Variants in ZFHX3 observed in about 807,000 individuals in gnomAD.
ZFHX3 encodes the protein zinc finger homeobox protein 3.
Under a neutral mutation model 279.1 loss-of-function variants are expected in ZFHX3, and 42 were observed. The observed-to-expected ratio is 0.15, with a 90% CI of 0.12 to 0.19. The LOEUF is 0.19. Ranked by LOEUF, ZFHX3 falls within the 10% of genes least tolerant of loss-of-function variation. The pLI, the probability that ZFHX3 is intolerant of heterozygous loss-of-function variation, is 1.00. For missense variants in ZFHX3, 4,981 were observed against 4,754.0 expected, an observed-to-expected ratio of 1.05 and a Z score of -1.40; for synonymous variants, 2,293 against 1,957.8, an observed-to-expected ratio of 1.17 and a Z score of -4.52.
At chr16:73,433,402 G>A (rs912267040) in intron 3 of ZFHX3, among the ~76,000 whole-genome samples, 48 of 152,182 alleles carry the variant, frequency 3.2e-4, no homozygotes, top group Non-Finnish European at 6.8e-4. Context: ...CTTGCAGGTA[G>A]ACAATAGATA....
chr16:73,598,487 G>C (rs924225000), intron 2 of ZFHX3, among the ~76,000 whole-genome samples: 3 of 142,916 alleles, frequency 2.1e-5, no homozygotes, highest in African/African-American at 7.9e-5. Flanking sequence ...GCGTGATCTT[G>C]ACTCACTACA....
chr16:72,936,548 G>A (rs1960135779), intron 3 of ZFHX3, among the ~76,000 whole-genome samples: 1 of 152,206 alleles, frequency 6.6e-6, no homozygotes, highest in Admixed American at 6.5e-5. Context: ...TGAATGTCAA[G>A]GTCAAGGAGG....
chr16:73,482,091 C>T (rs1284550071), intron 2 of ZFHX3, among the ~76,000 whole-genome samples: 1 of 152,086 alleles, frequency 6.6e-6, no homozygotes, highest in Non-Finnish European at 1.5e-5. Context: ...GCTGTGAGAG[C>T]CACTCAGCGC....
rs2036358448 is a variant in ZFHX3, at chr16:72,809,088, T to C, written c.3864+2489A>G. Among the ~76,000 whole-genome samples, 2 of 152,196 alleles carry C rather than the reference T, an allele frequency of 1.3e-5. 1 individual carries two copies. Among genetic ancestry groups the C allele is most frequent in the South Asian group, 4.1e-4 (2 of 4,832 alleles). On this transcript the variant is annotated intron_variant, in intron 7 of 9. Transcript: ENST00000268489. ...AGATTCACAATGACCACCACACTTGTCACTTGAAATTTACCTTGCTATTGC... is the reference window on the plus strand; with the variant it reads ...AGATTCACAATGACCACCACACTTGCCACTTGAAATTTACCTTGCTATTGC...
At chr16:73,155,261 TG>T (rs1488130036) in intron 5 of ZFHX3, among the ~76,000 whole-genome samples, 4 of 152,136 alleles carry the variant, frequency 2.6e-5, no homozygotes, top group Non-Finnish European at 5.9e-5. Context: ...TAGTTTCACT[TG>T]ATCTACCAAA....
chr16:72,948,553 C>G (rs779986622), intron 3 of ZFHX3, among the ~76,000 whole-genome samples: 1 of 152,176 alleles, frequency 6.6e-6, no homozygotes, highest in Admixed American at 6.5e-5. Context: ...CCGCCGAGTT[C>G]CAGGCCCGTA....
At position 73,753,000 on chromosome 16, in the gene ZFHX3, C is replaced by T. The variant is rs60172858; in HGVS notation, c.-1607-72760G>A. Among the ~76,000 whole-genome samples, 773 of 152,276 alleles carry T rather than the reference C, an allele frequency of 5.1e-3. 9 individuals carry two copies. The highest frequency in any genetic ancestry group is 0.018 in the African/African-American group (744 of 41,562). ...GTAACTCCATACTCAATACTTAAGGCACTTTCATGGGTCATTTGTGGACCT... is the reference window on the plus strand; with the variant it reads ...GTAACTCCATACTCAATACTTAAGGTACTTTCATGGGTCATTTGTGGACCT... On this transcript the variant is annotated intron_variant, in intron 1 of 17. Transcript: ENST00000641206.
At chr16:72,803,054 G>A (rs183623044) in intron 7 of ZFHX3, among the ~76,000 whole-genome samples, 36 of 152,292 alleles carry the variant, frequency 2.4e-4, no homozygotes, top group African/African-American at 8.2e-4. Context: ...GCTGTCGGCC[G>A]GGTGCGGTGG....
At chr16:73,154,028 A>C (rs1050734583) in intron 5 of ZFHX3, among the ~76,000 whole-genome samples, 2 of 152,110 alleles carry the variant, frequency 1.3e-5, no homozygotes, top group African/African-American at 2.4e-5. Flanking sequence ...CTTAACCCCA[A>C]ATCACACGTC....
At chr16:73,405,077 A>G (rs1384079533) in intron 3 of ZFHX3, among the ~76,000 whole-genome samples, 1 of 152,202 alleles carries the variant, frequency 6.6e-6, no homozygotes, top group Non-Finnish European at 1.5e-5. Flanking sequence ...TTGCTCTTCA[A>G]GGCTGATATG....
At position 72,787,248 on chromosome 16, in the gene ZFHX3, C is replaced by T. The variant is rs1208220810; in HGVS notation, c.11028G>A (p.Ala3676=). The T allele has an allele frequency of 1.2e-6, 2 of 1,613,972 alleles. No homozygotes were observed. The highest frequency in any genetic ancestry group is 1.7e-6 in the Non-Finnish European group (2 of 1,180,036). ...GGTCTTTGGGACCCTCCACCGGGCT[C>T]GCCGGTCCGTCGGACTTTTGGCTGA... ...TDLSQKSDGP[A]SPVEGPKDPS... is the part of the protein sequence containing the mutation. Residue 3676 remains alanine (A), a synonymous_variant, in exon 10 of 10, where the codon GCG becomes GCA. Transcript: ENST00000268489.
At chr16:73,464,057 AGTGT>A (rs913509327) in intron 2 of ZFHX3, among the ~76,000 whole-genome samples, 1 of 152,078 alleles carries the variant, frequency 6.6e-6, no homozygotes, top group Non-Finnish European at 1.5e-5. Flanking sequence ...TTCCATTTTG[AGTGT>A]GTGTGTATTT....
intron 1 of ZFHX3, among the ~76,000 whole-genome samples, chr16:73,687,055 T>C (rs2053095612): frequency 9.1e-6 from 1 of 109,900 alleles, no homozygotes; most frequent in South Asian, 3.0e-4. Flanking sequence ...TATATATATA[T>C]ATATATATAT....
intron 5 of ZFHX3, among the ~76,000 whole-genome samples, chr16:73,159,106 G>T (rs1967166148): frequency 6.6e-6 from 1 of 152,184 alleles, no homozygotes; most frequent in South Asian, 2.1e-4. Flanking sequence ...AAGAGCATCT[G>T]CACAACAAAA....
intron 1 of ZFHX3, among the ~76,000 whole-genome samples, chr16:73,779,829 T>G (rs1237867026): frequency 6.6e-6 from 1 of 152,152 alleles, no homozygotes; most frequent in African/African-American, 2.4e-5. Flanking sequence ...GCAACTCTCC[T>G]GCCTCAGCCT....
chr16:73,772,278 G>A (rs565013635), intron 1 of ZFHX3, among the ~76,000 whole-genome samples: 34 of 152,286 alleles, frequency 2.2e-4, no homozygotes, highest in Admixed American at 1.5e-3. Context: ...CCACATGGCC[G>A]GGGAGACCTC....
At chr16:73,674,729 G>A (rs2052937043) in intron 2 of ZFHX3, among the ~76,000 whole-genome samples, 1 of 152,146 alleles carries the variant, frequency 6.6e-6, no homozygotes, top group Non-Finnish European at 1.5e-5. Flanking sequence ...GTCTCGAAAA[G>A]TGCTTATATG....
intron 2 of ZFHX3, among the ~76,000 whole-genome samples, chr16:73,470,466 A>G (rs924719815): frequency 6.6e-6 from 1 of 152,244 alleles, no homozygotes; most frequent in Non-Finnish European, 1.5e-5. Flanking sequence ...CTAGTGCTTA[A>G]CACAGCTTTT....
At chr16:73,003,944 CT>C (rs35311786) in intron 1 of ZFHX3, among the ~76,000 whole-genome samples, 58,600 of 139,408 alleles carry the variant, frequency 0.42, 13,237 homozygotes, top group African/African-American at 0.63. Flanking sequence ...AGGGTATTTG[CT>C]TTTTTTTTTT....
Sources: gnomAD v4.1 joint callset for allele counts (sites outside exome capture counted in the v4.1 genomes callset) on GRCh38, gnomAD v4.1.1 for gene constraint, MANE v1.5 for transcripts, NCBI Gene and HGNC (gene_info 2026-07-23, HGNC 2026-07-21) for gene names.